The following KLC3 variants were observed in gnomAD, a reference collection of about 807,000 sequenced individuals.
The protein encoded by KLC3 is kinesin light chain 3, also known as kinesin light chain 2.
KLC3 carries 72 observed loss-of-function variants against 62.9 expected under a neutral mutation model. The observed-to-expected ratio is 1.15, with a 90% CI of 0.95 to 1.39. The LOEUF (loss-of-function observed/expected upper bound fraction) is 1.39, where lower values mean the gene tolerates loss of function less well. Ranked by LOEUF, KLC3 falls within the 40% of genes most tolerant of loss-of-function variation. The pLI is 0.00. For missense variants in KLC3, 848 were observed against 691.6 expected (o/e 1.23, Z -2.54); for synonymous variants, 377 against 300.5 (o/e 1.25, Z -2.63).
rs938292509 is a variant in KLC3 at position 45,340,825 on chromosome 19, G to A, written c.-30G>A. 2.8e-4 allele frequency: 43 copies of A among 152,306 alleles called. No individual in the cohort carries two copies. Among genetic ancestry groups the A allele is most frequent in the African/African-American group, 9.6e-4 (40 of 41,564 alleles). 9.4% of individuals were successfully genotyped at this position (152,306 alleles called of 1,614,324 possible). ...GACTGATCGCAGTGGGGCGAAGCGGGGCCGGAGCCGCCCGCGGTCAGGTGG... is the reference window on the plus strand; with the variant it reads ...GACTGATCGCAGTGGGGCGAAGCGGAGCCGGAGCCGCCCGCGGTCAGGTGG... On this transcript the variant is annotated 5_prime_UTR_variant, in exon 1 of 13. Transcript: ENST00000391946.
chr19:45,346,775 G>T lies in KLC3; in HGVS notation c.489+1G>T, dbSNP rs1485954627. ...GTACGACCCACCGGCGGAGAGCCAG[G>T]TGCCACGGGCAGGGCGAGGCGGGGG... On this transcript the variant is annotated splice_donor_variant, in intron 3 of 12. Coordinates refer to ENST00000391946, the MANE Select transcript of KLC3 (RefSeq NM_177417.3). LOFTEE classifies it high-confidence loss of function. 1 of 1,571,696 alleles carries T rather than the reference G, an allele frequency of 6.4e-7. No homozygotes were observed. Among genetic ancestry groups the T allele is most frequent in the East Asian group, 2.4e-5 (1 of 42,450 alleles).
chr19:45,350,367 G>T lies in KLC3; in HGVS notation c.1170G>T (p.Lys390Asn). 1 of 1,613,556 alleles carries T rather than the reference G, an allele frequency of 6.2e-7. No homozygotes were observed. The highest frequency in any genetic ancestry group is 8.5e-7 in the Non-Finnish European group (1 of 1,179,978). The change falls in exon 9 of 13, where the codon AAG (lysine) becomes AAT (asparagine). Residue 390 changes from lysine (K) to asparagine (N), a missense_variant. Physicochemically the swap from Lys to Asn is moderately conservative, Grantham distance 94. Coordinates refer to ENST00000391946, the MANE Select transcript of KLC3 (RefSeq NM_177417.3). ...NLASAYLKQN[K>N]YQQAEELYKE... ...CCTCAGCCTACCTGAAACAGAACAA[G>T]TATCAACAAGCGGAAGAGCTGTACA...
At position 45,351,204 on chromosome 19, in the gene KLC3, C is replaced by A. The variant is rs962574335; in HGVS notation, c.1444-82C>A. The A allele has an allele frequency of 1.3e-4, 204 of 1,585,194 alleles. 1 individual carries two copies. Among genetic ancestry groups the A allele is most frequent in the Non-Finnish European group, 1.6e-4 (190 of 1,165,008 alleles). ...GGCGAGGGGGTTGGATAGTTGGCTG[C>A]CAGGCTGGACCTGGAGCTGGAGGGT... On this transcript the variant is annotated intron_variant, in intron 12 of 12. Transcript: ENST00000391946.
chr19:45,348,515 C>T (rs1971567656), intron 5 of KLC3, 131 bp from the exon 6 acceptor site: 4 of 839,138 alleles, frequency 4.8e-6, no homozygotes, highest in Non-Finnish European at 5.7e-6. Context: ...CACAAAAGGC[C>T]CTCAAAGGGT....
At position 45,347,470 on chromosome 19, in the gene KLC3, A is replaced by G. The variant is rs1209838890; in HGVS notation, c.513A>G (p.Arg171=). ...AGCAGTCTGAGTCCCCGCCTCGCCG[A>G]GACAGCCTGGCCTCCCTGTTCCCCA... ...ESQQSESPPR[R]DSLASLFPSE... is the part of the protein sequence containing the mutation. The change falls in exon 4 of 13, where the codon CGA becomes CGG. Residue 171 remains arginine (R), a synonymous_variant. Transcript: ENST00000391946. 8 of 1,611,880 alleles carry G rather than the reference A, an allele frequency of 5.0e-6. No individual in the cohort carries two copies. The highest frequency in any genetic ancestry group is 6.8e-6 in the Non-Finnish European group (8 of 1,179,098).
Position 45,346,693 on chromosome 19 carries a change from C to T in KLC3, c.408C>T (p.Ser136=), listed in dbSNP as rs893803557. The T allele has an allele frequency of 5.1e-6, 8 of 1,569,234 alleles. No individual in the cohort carries two copies. The highest frequency in any genetic ancestry group is 2.3e-5 in the South Asian group (2 of 85,248). The part of the protein sequence containing the change: ...TQRRLRASEE[S]VAQLEEEKRH... ...GGCGGCTTCGGGCCAGCGAGGAGTCCGTGGCCCAGCTGGAGGAGGAGAAGC... is the reference window on the plus strand; with the variant it reads ...GGCGGCTTCGGGCCAGCGAGGAGTCTGTGGCCCAGCTGGAGGAGGAGAAGC... Residue 136 remains serine, a synonymous_variant, in exon 3 of 13, where the codon TCC becomes TCT. Coordinates refer to ENST00000391946, the MANE Select transcript of KLC3 (RefSeq NM_177417.3).
intron 11 of KLC3, 65 bp downstream of exon 11, chr19:45,350,812 C>CA: frequency 3.1e-6 from 4 of 1,300,330 alleles, no homozygotes; most frequent in Non-Finnish European, 4.3e-6. Flanking sequence ...ACCCCACCCC[C>CA]ACCCCCATCT....
intron 5 of KLC3, 135 bp downstream of exon 5, chr19:45,348,295 AAAGG>A (rs2123189976): frequency 3.7e-6 from 3 of 818,854 alleles, no homozygotes; most frequent in Non-Finnish European, 5.7e-6. Context: ...CAAGAATGGG[AAAGG>A]AAGGGAAGGC....
chr19:45,348,191 C>A, intron 5 of KLC3, 31 bp downstream of exon 5: 1 of 1,528,010 alleles, frequency 6.5e-7, no homozygotes. Context: ...TGGCTGGGGG[C>A]AGGAACGGCA....
intron 1 of KLC3, among the ~76,000 whole-genome samples, chr19:45,341,578 T>TGTGTGCGC: frequency 9.2e-4 from 129 of 139,894 alleles, no homozygotes; most frequent in African/African-American, 2.3e-3. Flanking sequence ...TGTGTGTGTG[T>TGTGTGCGC]GCGCGCGCGC....
intron 2 of KLC3, 63 bp downstream of exon 2, chr19:45,345,862 A>C: frequency 1.4e-6 from 2 of 1,475,688 alleles, no homozygotes; most frequent in South Asian, 2.7e-5. Context: ...AGGGCCAGGC[A>C]TGAGGGGGAC....
chr19:45,349,916 C>T (rs573448607), intron 8 of KLC3: 37 of 435,322 alleles, frequency 8.5e-5, no homozygotes, highest in Admixed American at 1.6e-4. Context: ...GTTCTTATAG[C>T]GTCCCTATGA....
chr19:45,347,012 A>AG (rs1971515685), intron 3 of KLC3: 1 of 491,648 alleles, frequency 2.0e-6, no homozygotes, highest in Non-Finnish European at 3.6e-6. Flanking sequence ...CCAGACCCCC[A>AG]GGGGGCCTCT....
intron 8 of KLC3, 188 bp downstream of exon 8, chr19:45,349,790 A>G: frequency 1.7e-6 from 1 of 584,856 alleles, no homozygotes; most frequent in Non-Finnish European, 2.9e-6. Flanking sequence ...GCGTAAGTCC[A>G]CGGCAGCCAG....
Position 45,351,278 on chromosome 19 carries a change from G to A in KLC3, c.1444-8G>A, listed in dbSNP as rs756541288. 8 of 1,612,234 alleles carry A rather than the reference G, an allele frequency of 5.0e-6. No homozygotes were observed. The highest frequency in any genetic ancestry group is 6.8e-6 in the Non-Finnish European group (8 of 1,179,862). ...TCCCCTCCAACCATCCCCTGTGCCTGTCTCCAGTTTCCCAGCTGGCACCTG... is the reference window on the plus strand; with the variant it reads ...TCCCCTCCAACCATCCCCTGTGCCTATCTCCAGTTTCCCAGCTGGCACCTG... On this transcript the variant is annotated splice_region_variant and splice_polypyrimidine_tract_variant and intron_variant, in intron 12 of 12. Transcript: ENST00000391946.
chr19:45,350,588 G>T (rs367610871), intron 10 of KLC3, 37 bp downstream of exon 10: 3 of 1,613,832 alleles, frequency 1.9e-6, no homozygotes, highest in Non-Finnish European at 2.5e-6. Flanking sequence ...TGGGGTGGGC[G>T]TGGGGACTGC....
intron 7 of KLC3, 140 bp downstream of exon 7, chr19:45,349,061 A>G (rs926220236): frequency 2.6e-5 from 19 of 732,608 alleles, no homozygotes; most frequent in Non-Finnish European, 4.2e-5. Flanking sequence ...AGCCTAGATC[A>G]CCCAACCCAT....
At chr19:45,341,579 G>GTGTGTGCGCGCGCGCGCGCA (rs1394008746) in intron 1 of KLC3, among the ~76,000 whole-genome samples, 2 of 87,016 alleles carry the variant, frequency 2.3e-5, no homozygotes, top group Non-Finnish European at 5.9e-5. Flanking sequence ...GTGTGTGTGT[G>GTGTGTGCGCGCGCGCGCGCA]CGCGCGCGCG....
chr19:45,350,542 C>T lies in KLC3; in HGVS notation c.1263C>T (p.Asp421=), dbSNP rs190169301. 52 of 1,613,888 alleles carry T rather than the reference C, an allele frequency of 3.2e-5. No homozygotes were observed. Among genetic ancestry groups the T allele is most frequent in the Middle Eastern group, 1.7e-4 (1 of 6,060 alleles). Residue 421 remains aspartate, a synonymous_variant, in exon 10 of 13, where the codon GAC becomes GAT. Transcript: ENST00000391946. ...LGAPNTGTAG[D]AEQALRRSSS... Reference sequence around the variant, plus strand: ...CCCCCAACACAGGCACAGCTGGTGACGCAGAACAGGTGAGGATGGGCTGTG... The same window carrying T: ...CCCCCAACACAGGCACAGCTGGTGATGCAGAACAGGTGAGGATGGGCTGTG...
Sources: allele counts gnomAD v4.1 joint callset (sites outside exome capture counted in the v4.1 genomes callset), GRCh38; gene constraint gnomAD v4.1.1; transcripts MANE v1.5; gene names NCBI Gene and HGNC (gene_info 2026-07-23, HGNC 2026-07-21).